The following PTPRM variants were observed in gnomAD, a reference collection of about 807,000 sequenced individuals.
The protein encoded by PTPRM is receptor-type tyrosine-protein phosphatase mu.
In PTPRM, 47 loss-of-function variants were observed where a neutral mutation model predicts 186.7. The ratio of observed to expected loss-of-function variants is 0.25; its 90% CI spans 0.20 to 0.32. PTPRM has a LOEUF of 0.32. Among genes scored for constraint, PTPRM ranks in the 10% least tolerant of loss-of-function variants. The probability of loss-of-function intolerance (pLI) is 1.00; values close to 1 mark genes in which losing one functional copy is unlikely to be tolerated. For missense variants in PTPRM, 1,494 were observed against 1,865.0 expected (o/e 0.80, Z 3.66); for synonymous variants, 668 against 674.9 (o/e 0.99, Z 0.16).
chr18:7,614,833 T>C (rs2037762666), intron 1 of PTPRM, among the ~76,000 whole-genome samples: 1 of 151,906 alleles, frequency 6.6e-6, no homozygotes, highest in African/African-American at 2.4e-5. Context: ...TAAAGAGTTG[T>C]TTTTGACTCC....
intron 2 of PTPRM, among the ~76,000 whole-genome samples, chr18:7,809,416 A>G (rs190447716): frequency 1.3e-4 from 20 of 151,760 alleles, no homozygotes; most frequent in Admixed American, 1.1e-3. Flanking sequence ...TCCCTTTCCT[A>G]CCCCTTCCAT....
chr18:8,240,618 GGAGAGA>G (rs372227037), intron 14 of PTPRM, among the ~76,000 whole-genome samples: 2,151 of 34,624 alleles, frequency 0.062, 46 homozygotes, highest in African/African-American at 0.096. Context: ...AGAGAGGGAG[GGAGAGA>G]GAGAGAGAGA....
intron 9 of PTPRM, among the ~76,000 whole-genome samples, chr18:8,083,229 A>G (rs76240814): frequency 0.033 from 5,031 of 152,234 alleles, 163 homozygotes; most frequent in African/African-American, 0.091. Flanking sequence ...TTTTATTTTC[A>G]TGCTTAAAAA....
At chr18:8,179,644 A>G (rs546809417) in intron 14 of PTPRM, among the ~76,000 whole-genome samples, 2 of 151,808 alleles carry the variant, frequency 1.3e-5, no homozygotes, top group South Asian at 4.2e-4. Flanking sequence ...TAATTTTTGT[A>G]ATTTTAGTAG....
intron 1 of PTPRM, among the ~76,000 whole-genome samples, chr18:7,674,219 G>A (rs1431067406): frequency 2.6e-5 from 4 of 152,192 alleles, no homozygotes; most frequent in African/African-American, 9.6e-5. Context: ...TATGTCATCG[G>A]TGTTGGGGAT....
chr18:7,999,192 T>A (rs1443243481), intron 7 of PTPRM, among the ~76,000 whole-genome samples: 1 of 152,054 alleles, frequency 6.6e-6, no homozygotes, highest in Non-Finnish European at 1.5e-5. Flanking sequence ...GAGAATCCCA[T>A]TAACCTGTCA....
chr18:7,638,525 G>A (rs2038371685), intron 1 of PTPRM, among the ~76,000 whole-genome samples: 1 of 152,170 alleles, frequency 6.6e-6, no homozygotes, highest in African/African-American at 2.4e-5. Context: ...GTGTTTGAAA[G>A]CATCCACATT....
intron 2 of PTPRM, among the ~76,000 whole-genome samples, chr18:7,778,213 T>C (rs1479368883): frequency 2.0e-5 from 3 of 152,214 alleles, no homozygotes; most frequent in Non-Finnish European, 4.4e-5. Context: ...TGATAACTAC[T>C]CTGGAGCAGT....
intron 13 of PTPRM, among the ~76,000 whole-genome samples, chr18:8,123,259 C>T (rs1214620127): frequency 6.6e-6 from 1 of 152,152 alleles, no homozygotes; most frequent in Non-Finnish European, 1.5e-5. Flanking sequence ...TGATGAAAGC[C>T]AAGTAAGAAG....
intron 1 of PTPRM, among the ~76,000 whole-genome samples, chr18:7,722,510 G>A (rs2040466546): frequency 1.3e-5 from 2 of 152,062 alleles, no homozygotes; most frequent in Non-Finnish European, 2.9e-5. Context: ...AAAAAGTGAA[G>A]CCAGATAAAT....
intron 2 of PTPRM, among the ~76,000 whole-genome samples, chr18:7,801,126 T>C (rs1470174921): frequency 6.6e-6 from 1 of 152,168 alleles, no homozygotes; most frequent in East Asian, 1.9e-4. Flanking sequence ...AATATTTTCT[T>C]CAATAATAAA....
At chr18:8,222,798 G>A (rs1225731428) in intron 14 of PTPRM, among the ~76,000 whole-genome samples, 1 of 152,170 alleles carries the variant, frequency 6.6e-6, no homozygotes, top group African/African-American at 2.4e-5. Flanking sequence ...GGTTTTCTAA[G>A]CATTTTTTGA....
chr18:8,308,733 A>G (rs565540906), intron 20 of PTPRM, among the ~76,000 whole-genome samples: 2 of 152,342 alleles, frequency 1.3e-5, no homozygotes, highest in South Asian at 4.1e-4. Flanking sequence ...TTAACTTTAC[A>G]TAAGTAAAAG....
chr18:7,770,452 A>G (rs549428059), intron 1 of PTPRM, among the ~76,000 whole-genome samples: 1 of 152,310 alleles, frequency 6.6e-6, no homozygotes, highest in South Asian at 2.1e-4. Flanking sequence ...TTGTTCTATG[A>G]GGTATATCTG....
intron 7 of PTPRM, among the ~76,000 whole-genome samples, chr18:8,057,526 A>G (rs2088104354): frequency 7.4e-6 from 1 of 135,912 alleles, no homozygotes; most frequent in African/African-American, 2.9e-5. Context: ...ATATGTATAC[A>G]TGTGCCATGC....
At chr18:7,646,859 A>G (rs996011834) in intron 1 of PTPRM, among the ~76,000 whole-genome samples, 6 of 151,952 alleles carry the variant, frequency 3.9e-5, no homozygotes, top group Non-Finnish European at 8.8e-5. Context: ...TTGTGTTCAC[A>G]TCATCCTTGT....
chr18:8,015,782 A>T (rs973631189), intron 7 of PTPRM, among the ~76,000 whole-genome samples: 1 of 152,138 alleles, frequency 6.6e-6, no homozygotes, highest in Non-Finnish European at 1.5e-5. Context: ...AAACCTTTTA[A>T]ATTAGAATTA....
intron 2 of PTPRM, among the ~76,000 whole-genome samples, chr18:7,842,910 A>ATGTGTG (rs1285423674): frequency 0.01 from 1,114 of 106,386 alleles, 30 homozygotes; most frequent in East Asian, 0.059. Context: ...TGTTTCTCAT[A>ATGTGTG]TGTGTGTGTG....
Position 7,907,197 on chromosome 18 carries a change from A to G in PTPRM, c.547+614A>G, listed in dbSNP as rs1465056195. Among the ~76,000 whole-genome samples, 6 of 152,218 alleles carry G rather than the reference A, an allele frequency of 3.9e-5. No homozygotes were observed. In the East Asian group the frequency reaches 1.2e-3, roughly 29 times the overall value. ...TATGTGAACCTTTTTCCTTAAATAAAATAGTACAAATTGCTAGATCTGTTT... is the reference window on the plus strand; with the variant it reads ...TATGTGAACCTTTTTCCTTAAATAAGATAGTACAAATTGCTAGATCTGTTT... On this transcript the variant is annotated intron_variant, in intron 4 of 32. Transcript: ENST00000580170.
Sources: allele counts gnomAD v4.1 joint callset (sites outside exome capture counted in the v4.1 genomes callset), GRCh38; gene constraint gnomAD v4.1.1; transcripts MANE v1.5; gene names NCBI Gene and HGNC (gene_info 2026-07-23, HGNC 2026-07-21).